Variants in PLAAT3 observed in about 807,000 individuals in gnomAD.
PLAAT3 encodes the protein phospholipase A and acyltransferase 3.
PLAAT3 carries 21 observed loss-of-function variants against 16.7 expected under a neutral mutation model. That is an observed-to-expected ratio of 1.26 (90% CI 0.89 to 1.81). PLAAT3 has a LOEUF of 1.81. Among genes scored for constraint, PLAAT3 ranks in the 40% most tolerant of loss-of-function variants. The pLI is 0.00. For synonymous variants in PLAAT3, 76 were observed against 81.7 expected (o/e 0.93, Z 0.38); for missense variants, 219 against 213.7 (o/e 1.02, Z -0.16).
At chr11:63,609,465 C>A (rs535107016) in intron 2 of PLAAT3, among the ~76,000 whole-genome samples, 6 of 152,232 alleles carry the variant, frequency 3.9e-5, no homozygotes, top group Admixed American at 3.9e-4. Flanking sequence ...CTGAACTTCT[C>A]TGGTAAACAG....
At chr11:63,578,898 T>C (rs1937705009) in intron 4 of PLAAT3, among the ~76,000 whole-genome samples, 1 of 152,000 alleles carries the variant, frequency 6.6e-6, no homozygotes, top group African/African-American at 2.4e-5. Context: ...AAAGAGCTTC[T>C]GCACAGCAAA....
intron 3 of PLAAT3, among the ~76,000 whole-genome samples, chr11:63,596,195 G>A (rs867587093): frequency 3.0e-5 from 4 of 135,328 alleles, no homozygotes; most frequent in African/African-American, 2.8e-5. Context: ...AGCCGAGATC[G>A]CGCCACTACA....
intron 2 of PLAAT3, among the ~76,000 whole-genome samples, chr11:63,603,908 T>C (rs944587242): frequency 2.6e-5 from 4 of 152,180 alleles, no homozygotes; most frequent in African/African-American, 4.8e-5. Context: ...TCCCAGCACT[T>C]TGGGAGGCCA....
intron 4 of PLAAT3, among the ~76,000 whole-genome samples, chr11:63,581,135 G>C (rs1310406004): frequency 6.6e-6 from 1 of 152,178 alleles, no homozygotes; most frequent in Non-Finnish European, 1.5e-5. Context: ...TGTACAAACT[G>C]ATTGTAAAAT....
upstream of PLAAT3, among the ~76,000 whole-genome samples, chr11:63,616,080 T>G (rs1011529260): frequency 6.6e-6 from 1 of 152,204 alleles, no homozygotes; most frequent in Non-Finnish European, 1.5e-5. Context: ...ACATATGCAT[T>G]ACCTCACATA....
At chr11:63,602,244 C>A (rs1461939466) in intron 2 of PLAAT3, among the ~76,000 whole-genome samples, 1 of 150,058 alleles carries the variant, frequency 6.7e-6, no homozygotes, top group Non-Finnish European at 1.5e-5. Flanking sequence ...GAGCCAAGAT[C>A]GCACCACTGC....
intron 2 of PLAAT3, among the ~76,000 whole-genome samples, chr11:63,609,922 C>T (rs2134433667): frequency 6.6e-6 from 1 of 152,330 alleles, no homozygotes; most frequent in Non-Finnish European, 1.5e-5. Context: ...CCTCTACTCA[C>T]CCCCACCACT....
At chr11:63,609,582 C>T (rs1230270628) in intron 2 of PLAAT3, among the ~76,000 whole-genome samples, 1 of 152,238 alleles carries the variant, frequency 6.6e-6, no homozygotes, top group Non-Finnish European at 1.5e-5. Flanking sequence ...CCATGCCGCA[C>T]GCAGGCTGGG....
At chr11:63,607,886 T>G (rs561552465) in intron 2 of PLAAT3, among the ~76,000 whole-genome samples, 6 of 152,096 alleles carry the variant, frequency 3.9e-5, no homozygotes, top group South Asian at 2.1e-4. Flanking sequence ...CCTGGAATTT[T>G]TTTTAAAGTT....
At chr11:63,593,109 G>C (rs755206579) in intron 3 of PLAAT3, among the ~76,000 whole-genome samples, 1 of 152,268 alleles carries the variant, frequency 6.6e-6, no homozygotes, top group Admixed American at 6.5e-5. Flanking sequence ...ACTGGGTGCC[G>C]GGCCTTGTCC....
intron 4 of PLAAT3, among the ~76,000 whole-genome samples, chr11:63,583,443 G>T (rs989686679): frequency 6.6e-6 from 1 of 152,188 alleles, no homozygotes; most frequent in Non-Finnish European, 1.5e-5. Flanking sequence ...TGATGCAACT[G>T]GTTCATACAA....
chr11:63,606,176 C>T (rs2030731), intron 2 of PLAAT3, among the ~76,000 whole-genome samples: 39,616 of 152,050 alleles, frequency 0.26, 6,307 homozygotes, highest in East Asian at 0.59. Flanking sequence ...CTTTGGAGGG[C>T]CTAGAAACCC....
At chr11:63,577,894 A>G (rs1033056293) in intron 4 of PLAAT3, among the ~76,000 whole-genome samples, 2 of 152,170 alleles carry the variant, frequency 1.3e-5, no homozygotes, top group African/African-American at 4.8e-5. Flanking sequence ...CTCAACAGAA[A>G]AGTTGAAAGA....
chr11:63,590,198 C>G lies in PLAAT3; in HGVS notation c.289G>C (p.Glu97Gln). 6.2e-7 allele frequency: 1 copy of G among 1,614,236 alleles called. No individual in the cohort carries two copies. The highest frequency in any genetic ancestry group is 8.5e-7 in the Non-Finnish European group (1 of 1,180,018). The change falls in exon 4 of 5, where the codon GAG becomes CAG. Residue 97 changes from glutamate to glutamine, a missense_variant. Transcript: ENST00000415826. ...LPCSKIIQRA[E>Q]ELVGQEVLYK... ...AGCACCTCCTGCCCCACCAGCTCCT[C>G]CGCCCGCTGGATGATTTTGCTGCAG...
intron 4 of PLAAT3, among the ~76,000 whole-genome samples, 156 bp downstream of exon 4, chr11:63,589,944 C>T (rs536023543): frequency 3.1e-4 from 35 of 112,180 alleles, no homozygotes; most frequent in African/African-American, 1.7e-3. Context: ...TCTCCCCACC[C>T]TTGTCCCCAC....
At chr11:63,614,857 T>G (rs1938791793), upstream of PLAAT3, among the ~76,000 whole-genome samples, 1 of 149,844 alleles carries the variant, frequency 6.7e-6, no homozygotes, top group Non-Finnish European at 1.5e-5. Flanking sequence ...CTACTAAAAA[T>G]GCAAAAAATT....
intron 4 of PLAAT3, among the ~76,000 whole-genome samples, chr11:63,576,837 T>C (rs527478498): frequency 2.0e-5 from 3 of 152,244 alleles, no homozygotes; most frequent in South Asian, 2.1e-4. Flanking sequence ...ATTAAGTGTA[T>C]AAAACTGAAA....
intron 4 of PLAAT3, among the ~76,000 whole-genome samples, chr11:63,576,766 C>A (rs1217563323): frequency 6.6e-6 from 1 of 152,106 alleles, no homozygotes; most frequent in East Asian, 1.9e-4. Flanking sequence ...CTTTCCTAAC[C>A]TATGAAGTTG....
intron 2 of PLAAT3, among the ~76,000 whole-genome samples, chr11:63,609,837 C>A (rs916445366): frequency 6.6e-6 from 1 of 152,174 alleles, no homozygotes. Context: ...CATCCACCCT[C>A]CCAGACTTTG....
Sources: allele counts gnomAD v4.1 joint callset (sites outside exome capture counted in the v4.1 genomes callset), GRCh38; gene constraint gnomAD v4.1.1; transcripts MANE v1.5; gene names NCBI Gene and HGNC (gene_info 2026-07-23, HGNC 2026-07-21).